CDYL2: variants seen among roughly 807,000 people sequenced by gnomAD.
CDYL2 encodes chromodomain Y-like protein 2.
In CDYL2, 23 loss-of-function variants were observed where a neutral mutation model predicts 49.4. That is an observed-to-expected ratio of 0.47 (90% confidence interval 0.34 to 0.66). CDYL2 has a LOEUF of 0.66. Ranked by LOEUF, CDYL2 falls within the 30% of genes least tolerant of loss-of-function variation. The pLI is 0.01. For missense variants in CDYL2, 678 were observed against 656.4 expected (o/e 1.03, Z -0.36); for synonymous variants, 360 against 268.8 (o/e 1.34, Z -3.32).
chr16:80,609,323 GC>G (rs1906489969), intron 5 of CDYL2, among the ~76,000 whole-genome samples: 1 of 152,138 alleles, frequency 6.6e-6, no homozygotes. Flanking sequence ...CTTCTCTCCT[GC>G]CTCTACATGC....
intron 2 of CDYL2, among the ~76,000 whole-genome samples, chr16:80,681,076 T>C (rs1266137390): frequency 6.6e-6 from 1 of 152,160 alleles, no homozygotes; most frequent in Non-Finnish European, 1.5e-5. Flanking sequence ...AATTTAGCAT[T>C]TGTTCCACAG....
chr16:80,761,018 G>A (rs183237048), intron 1 of CDYL2, among the ~76,000 whole-genome samples: 2 of 152,286 alleles, frequency 1.3e-5, no homozygotes, highest in East Asian at 3.9e-4. Context: ...ATGTGCAATA[G>A]ACTTCAGAAT....
At chr16:80,691,603 TAGC>T (rs1910417616) in intron 1 of CDYL2, among the ~76,000 whole-genome samples, 1 of 152,166 alleles carries the variant, frequency 6.6e-6, no homozygotes, top group Admixed American at 6.5e-5. Flanking sequence ...AAATTAGTAA[TAGC>T]AGCATCATCA....
At chr16:80,714,299 A>G (rs981967176) in intron 1 of CDYL2, among the ~76,000 whole-genome samples, 2 of 152,080 alleles carry the variant, frequency 1.3e-5, no homozygotes, top group Admixed American at 6.6e-5. Flanking sequence ...ACACCAATAA[A>G]TCAAGAAAAA....
At chr16:80,772,009 A>G (rs922391863) in intron 1 of CDYL2, among the ~76,000 whole-genome samples, 1 of 152,168 alleles carries the variant, frequency 6.6e-6, no homozygotes, top group African/African-American at 2.4e-5. Flanking sequence ...GCATTCCCCT[A>G]AACTGATGGA....
intron 2 of CDYL2, among the ~76,000 whole-genome samples, chr16:80,634,567 G>C (rs1339968609): frequency 6.6e-6 from 1 of 152,102 alleles, no homozygotes; most frequent in Non-Finnish European, 1.5e-5. Flanking sequence ...AATGGGTACA[G>C]CAAACCAACA....
chr16:80,701,477 A>C (rs1269177283), intron 1 of CDYL2, among the ~76,000 whole-genome samples: 2 of 152,212 alleles, frequency 1.3e-5, no homozygotes, highest in Admixed American at 6.5e-5. Context: ...TTTTTAAATT[A>C]ATTTGATTTC....
At chr16:80,751,006 T>C (rs903221228) in intron 1 of CDYL2, among the ~76,000 whole-genome samples, 2 of 143,720 alleles carry the variant, frequency 1.4e-5, no homozygotes, top group Non-Finnish European at 3.0e-5. Context: ...GGCGACAGAG[T>C]GAGATTCCAT....
intron 2 of CDYL2, among the ~76,000 whole-genome samples, chr16:80,651,616 G>A (rs1372635478): frequency 6.6e-6 from 1 of 152,172 alleles, no homozygotes; most frequent in Non-Finnish European, 1.5e-5. Context: ...ATTTAGGAGG[G>A]CACAGGATCT....
Position 80,608,123 on chromosome 16 carries a change from C to G in CDYL2, c.1331G>C (p.Arg444Pro). The change falls in exon 6 of 7, where the codon CGG (arginine) becomes CCG (proline). Residue 444 changes from arginine to proline, a missense_variant. Arg to Pro is a moderately radical substitution (Grantham distance 103). Around this residue, in one of 3 missense-constraint regions of CDYL2, gnomAD observed 153 missense variants for 150.6 expected, o/e 1.02. Transcript: ENST00000570137. ...ACTGCAGGATGCCATCTCCTTGACC[C>G]GCAGCATGACCTCCTGGCTGAACGT... is the stretch of plus-strand genomic sequence containing the variant. ...PTTFSQEVMLRVKEMASCSAV... is the reference protein window; with the variant it reads ...PTTFSQEVMLPVKEMASCSAV... 6.2e-7 allele frequency: 1 copy of G among 1,602,308 alleles called. No homozygotes were observed. Among genetic ancestry groups the G allele is most frequent in the Non-Finnish European group, 8.5e-7 (1 of 1,174,522 alleles).
intron 1 of CDYL2, among the ~76,000 whole-genome samples, chr16:80,740,401 A>G (rs996984525): frequency 6.6e-6 from 1 of 152,182 alleles, no homozygotes; most frequent in Non-Finnish European, 1.5e-5. Flanking sequence ...AAAAGGCCTA[A>G]TTCAAAAGTA....
At chr16:80,613,461 G>C (rs968474886) in intron 4 of CDYL2, among the ~76,000 whole-genome samples, 3 of 152,162 alleles carry the variant, frequency 2.0e-5, no homozygotes, top group Non-Finnish European at 4.4e-5. Flanking sequence ...AGGATGGTCT[G>C]ATTCTGAATT....
At chr16:80,668,762 G>A (rs1403653607) in intron 2 of CDYL2, among the ~76,000 whole-genome samples, 1 of 151,942 alleles carries the variant, frequency 6.6e-6, no homozygotes, top group Admixed American at 6.6e-5. Context: ...AGCCAGGCAC[G>A]GGGGTGGGCA....
chr16:80,786,788 G>C (rs936564858), intron 1 of CDYL2, among the ~76,000 whole-genome samples: 5 of 152,114 alleles, frequency 3.3e-5, no homozygotes, highest in Non-Finnish European at 7.3e-5. Context: ...GGTGAAGCCG[G>C]AAACCATCAT....
chr16:80,779,485 G>A (rs961499396), intron 1 of CDYL2, among the ~76,000 whole-genome samples: 1 of 151,928 alleles, frequency 6.6e-6, no homozygotes, highest in Non-Finnish European at 1.5e-5. Flanking sequence ...TCTTTACCAA[G>A]GGCATACTCA....
intron 1 of CDYL2, chr16:80,734,969 T>C (rs7187300): frequency 0.79 from 120,660 of 152,098 alleles, 49,656 homozygotes; most frequent in Non-Finnish European, 0.91. Context: ...GAGCACTGAG[T>C]TTCCTCCTCT....
intron 1 of CDYL2, among the ~76,000 whole-genome samples, chr16:80,772,528 C>G (rs1356676819): frequency 6.6e-6 from 1 of 152,230 alleles, no homozygotes; most frequent in African/African-American, 2.4e-5. Flanking sequence ...TCTCGGCTCA[C>G]TGCAACCTCT....
chr16:80,629,514 A>C (rs1907456629), intron 3 of CDYL2, among the ~76,000 whole-genome samples: 1 of 152,208 alleles, frequency 6.6e-6, no homozygotes, highest in Non-Finnish European at 1.5e-5. Flanking sequence ...AGGGCACTGA[A>C]GGAAGACCTG....
chr16:80,632,906 G>A (rs1000909711), intron 3 of CDYL2, 113 bp downstream of exon 3: 13 of 1,024,424 alleles, frequency 1.3e-5, no homozygotes, highest in South Asian at 5.9e-5. Context: ...TTTTATGCAC[G>A]CTAGTTACCA....
Sources: gnomAD v4.1 joint callset for allele counts (sites outside exome capture counted in the v4.1 genomes callset) on GRCh38, gnomAD v4.1.1 for gene constraint, gnomAD v4.1.1 regional missense constraint, MANE v1.5 for transcripts, NCBI Gene and HGNC (gene_info 2026-07-23, HGNC 2026-07-21) for gene names.